The following CLCN5 variants were observed in gnomAD, a reference collection of about 807,000 sequenced individuals.
CLCN5 encodes H(+)/Cl(-) exchange transporter 5.
Under a neutral mutation model 54.0 loss-of-function variants are expected in CLCN5, and 17 were observed. The ratio of observed to expected loss-of-function variants is 0.31; its 90% CI spans 0.22 to 0.47. The LOEUF (loss-of-function observed/expected upper bound fraction) is 0.47. CLCN5 is among the 20% of genes least tolerant of loss of function. The pLI is 1.00. For synonymous variants in CLCN5, 222 were observed against 233.0 expected (o/e 0.95, Z 0.43); for missense variants, 448 against 646.7 (o/e 0.69, Z 3.33).
intron 3 of CLCN5, among the ~76,000 whole-genome samples, chrX:49,998,892 A>C (rs1382554832): frequency 9.0e-6 from 1 of 110,735 alleles, no homozygotes; most frequent in Non-Finnish European, 1.9e-5. Context: ...GAGACATCTG[A>C]TGTGTTCACC....
At chrX:49,993,553 A>G (rs1929367771) in intron 3 of CLCN5, among the ~76,000 whole-genome samples, 3 of 112,286 alleles carry the variant, frequency 2.7e-5, no homozygotes, top group African/African-American at 9.7e-5. Context: ...ATCATCATAT[A>G]ATCCAAAAGC....
rs782813729 is a variant in CLCN5, at chrX:50,002,667, C to A, written c.17-39649C>A. On this transcript the variant is annotated intron_variant, in intron 3 of 14. Transcript: ENST00000376091. ...TCTGTCTCTGTCTCTGTCTCTGTCT[C>A]TCTCTCTCTCTCTCTGTGTGTGTGT... is the stretch of plus-strand genomic sequence containing the variant. Among the ~76,000 whole-genome samples the A allele has an allele frequency of 1.4e-3, 141 of 97,353 alleles. No homozygotes were observed. The South Asian group carries it at 0.042, about 29-fold the overall frequency. 84.5% of individuals were successfully genotyped at this position (97,353 alleles called of 115,157 possible).
In CLCN5 at chrX:49,943,683, T is replaced by C. The variant is rs781831696; in HGVS notation, c.16+18369T>C. Among the ~76,000 whole-genome samples, 390 of 111,314 alleles carry C rather than the reference T, an allele frequency of 3.5e-3. 4 individuals are homozygous for C. Among genetic ancestry groups the C allele is most frequent in the African/African-American group, 0.01 (314 of 30,407 alleles). On this transcript the variant is annotated intron_variant, in intron 3 of 14. Coordinates refer to ENST00000376091, the MANE Select transcript of CLCN5 (RefSeq NM_001127898.4). ...GAATCCTTTCCCCATTGCTTGTTTT[T>C]GTCAGGTTTGTCAAAGATCAGATGG... is the stretch of plus-strand genomic sequence containing the variant.
At chrX:49,956,519 T>C (rs192337893) in intron 3 of CLCN5, among the ~76,000 whole-genome samples, 1 of 112,041 alleles carries the variant, frequency 8.9e-6, no homozygotes, top group East Asian at 2.8e-4. Flanking sequence ...GTCATGGAGA[T>C]TGAAATGCTT....
chrX:49,971,895 TA>T (rs1928234205), intron 3 of CLCN5, among the ~76,000 whole-genome samples: 1 of 112,084 alleles, frequency 8.9e-6, no homozygotes. Context: ...ATTGTTGCTT[TA>T]CGAGGGAGAG....
intron 3 of CLCN5, among the ~76,000 whole-genome samples, chrX:50,025,402 C>G (rs1000938039): frequency 2.1e-5 from 2 of 96,159 alleles, no homozygotes; most frequent in African/African-American, 7.7e-5. Flanking sequence ...GAGATGAACC[C>G]GGTACCTCAG....
chrX:50,046,263 T>C (rs1932388987), intron 4 of CLCN5, among the ~76,000 whole-genome samples: 1 of 112,126 alleles, frequency 8.9e-6, no homozygotes, highest in Admixed American at 9.5e-5. Flanking sequence ...CAGCAGTGCA[T>C]TCATTCATTC....
chrX:50,029,999 G>C (rs994519943), intron 3 of CLCN5, among the ~76,000 whole-genome samples: 1 of 112,124 alleles, frequency 8.9e-6, no homozygotes, highest in Non-Finnish European at 1.9e-5. Flanking sequence ...ATAAGGTTTT[G>C]ATGATTGCTT....
At chrX:49,937,142 G>A in intron 3 of CLCN5, among the ~76,000 whole-genome samples, 1 of 111,260 alleles carries the variant, frequency 9.0e-6, no homozygotes, top group Middle Eastern at 4.6e-3. Context: ...AGTGAAAAAA[G>A]GGGTGCAGAA....
intron 3 of CLCN5, among the ~76,000 whole-genome samples, chrX:50,015,741 A>G (rs182793464): frequency 1.6e-3 from 176 of 110,359 alleles, no homozygotes; most frequent in African/African-American, 5.3e-3. Context: ...AAGCTGATCT[A>G]TTCATTCCTC....
chrX:50,064,563 A>T (rs1557190491), intron 4 of CLCN5, among the ~76,000 whole-genome samples: 1 of 96,757 alleles, frequency 1.0e-5, no homozygotes, highest in Non-Finnish European at 2.1e-5. Context: ...AAGAATCAAT[A>T]TCGTGAAAAT....
At chrX:50,025,492 T>C (rs782530381) in intron 3 of CLCN5, among the ~76,000 whole-genome samples, 137 of 110,804 alleles carry the variant, frequency 1.2e-3, no homozygotes, top group African/African-American at 4.4e-3. Context: ...TTCGGCCATC[T>C]TGGCTCCTCC....
intron 3 of CLCN5, among the ~76,000 whole-genome samples, chrX:50,027,266 G>T (rs1931456345): frequency 9.0e-6 from 1 of 110,880 alleles, no homozygotes; most frequent in Non-Finnish European, 1.9e-5. Context: ...CGCCCACCTA[G>T]GCCTCCCAAA....
At chrX:50,021,141 C>T (rs1445503190) in intron 3 of CLCN5, among the ~76,000 whole-genome samples, 1 of 90,411 alleles carries the variant, frequency 1.1e-5, no homozygotes, top group Non-Finnish European at 2.0e-5. Flanking sequence ...TGTTTGTATC[C>T]TCTTTTCTTT....
chrX:50,042,474 G>C lies in CLCN5; in HGVS notation c.163+12G>C. The C allele has an allele frequency of 6.0e-6, 6 of 996,549 alleles. No homozygotes were observed. The highest frequency in any genetic ancestry group is 3.9e-6 in the Non-Finnish European group (3 of 764,440). The allele number at this position is 996,549 out of a possible 1,213,427, so 82.1% of individuals were successfully genotyped here. On this transcript the variant is annotated intron_variant, in intron 4 of 14. Coordinates refer to ENST00000376091, the MANE Select transcript of CLCN5 (RefSeq NM_001127898.4). ...CCGAGAAGTAGGAGGTATCATTATT[G>C]GTGATGATAATTTATCTTAATTTTT...
At chrX:50,044,456 T>C (rs972450119) in intron 4 of CLCN5, among the ~76,000 whole-genome samples, 2 of 111,637 alleles carry the variant, frequency 1.8e-5, no homozygotes, top group African/African-American at 6.5e-5. Flanking sequence ...GTCCAGATAG[T>C]TGGTGTTATG....
chrX:50,029,399 G>A (rs1379569564), intron 3 of CLCN5, among the ~76,000 whole-genome samples: 5 of 105,567 alleles, frequency 4.7e-5, no homozygotes, highest in African/African-American at 7.0e-5. Flanking sequence ...GAGAACATGC[G>A]GTGTTTGGTT....
chrX:50,035,013 C>G (rs1303112903), intron 3 of CLCN5, among the ~76,000 whole-genome samples: 2 of 111,493 alleles, frequency 1.8e-5, no homozygotes, highest in African/African-American at 6.5e-5. Flanking sequence ...TGACCTGTCT[C>G]TATCCATTTG....
intron 14 of CLCN5, 27 bp from the exon 15 acceptor site, chrX:50,092,102 T>G: frequency 1.8e-6 from 2 of 1,103,941 alleles, no homozygotes; most frequent in South Asian, 1.8e-5. Flanking sequence ...TTTATTTTTG[T>G]TTTTTTGTAT....
Sources: gnomAD v4.1 joint callset for allele counts (sites outside exome capture counted in the v4.1 genomes callset) on GRCh38, gnomAD v4.1.1 for gene constraint, MANE v1.5 for transcripts, NCBI Gene and HGNC (gene_info 2026-07-23, HGNC 2026-07-21) for gene names.